Variants in LRRC7 observed in about 807,000 individuals in gnomAD.
LRRC7 encodes the protein leucine rich repeat containing 7, also known as leucine-rich repeat-containing protein 7.
Under a neutral mutation model 175.7 loss-of-function variants are expected in LRRC7, and 23 were observed. That is an observed-to-expected ratio of 0.13 (90% CI 0.09 to 0.19). The LOEUF is 0.19. LRRC7 is among the 10% of genes least tolerant of loss of function. The probability of loss-of-function intolerance (pLI) is 1.00; values close to 1 mark genes in which losing one functional copy is unlikely to be tolerated. For missense variants in LRRC7, 1,354 were observed against 1,904.7 expected (o/e 0.71, Z 5.38); for synonymous variants, 685 against 680.9 (o/e 1.01, Z -0.09).
chr1:69,668,604 A>G (rs1460840707), intron 1 of LRRC7, among the ~76,000 whole-genome samples: 1 of 152,190 alleles, frequency 6.6e-6, no homozygotes, highest in Non-Finnish European at 1.5e-5. Flanking sequence ...TGCAATAAAC[A>G]TATGTGTGCA....
chr1:69,719,630 TAGAA>T (rs1161525385), intron 2 of LRRC7, among the ~76,000 whole-genome samples: 1 of 151,678 alleles, frequency 6.6e-6, no homozygotes, highest in African/African-American at 2.4e-5. Context: ...TGTTTTTATT[TAGAA>T]AGATTACTCT....
intron 2 of LRRC7, among the ~76,000 whole-genome samples, chr1:69,712,416 C>T (rs1664863303): frequency 6.6e-6 from 1 of 152,072 alleles, no homozygotes; most frequent in African/African-American, 2.4e-5. Flanking sequence ...CCAGCCTGGC[C>T]AACATGGCGA....
At chr1:69,839,508 G>A (rs1459623888) in intron 7 of LRRC7, among the ~76,000 whole-genome samples, 1 of 152,076 alleles carries the variant, frequency 6.6e-6, no homozygotes, top group Non-Finnish European at 1.5e-5. Flanking sequence ...ATATGGTTGA[G>A]GGTGTTAATC....
intron 3 of LRRC7, among the ~76,000 whole-genome samples, chr1:69,779,392 A>T (rs895143880): frequency 1.3e-5 from 2 of 152,206 alleles, no homozygotes; most frequent in Admixed American, 1.3e-4. Flanking sequence ...ACATTTTTCT[A>T]TTTCATTGTG....
At position 69,717,575 on chromosome 1, in the gene LRRC7, C is replaced by T. The variant is rs147832240; in HGVS notation, c.100+39097C>T. Reference sequence around the variant, plus strand: ...TCTTAGATTGCCATAAAGTGGCACACGCTTATCCTATGAGGGGGTGGAAAG... The same window carrying T: ...TCTTAGATTGCCATAAAGTGGCACATGCTTATCCTATGAGGGGGTGGAAAG... On this transcript the variant is annotated intron_variant, in intron 2 of 26. Transcript: ENST00000651989. 1.9e-3 allele frequency among the ~76,000 whole-genome samples: 293 copies of T among 151,514 alleles called. 1 individual carries two copies. Among genetic ancestry groups the T allele is most frequent in the African/African-American group, 6.7e-3 (278 of 41,444 alleles).
chr1:69,656,335 G>GTAA (rs963252960), intron 1 of LRRC7, among the ~76,000 whole-genome samples: 25 of 152,008 alleles, frequency 1.6e-4, no homozygotes, highest in African/African-American at 4.8e-4. Context: ...ACTGGCTTCT[G>GTAA]TAATAATAAT....
rs374577037 is a variant in LRRC7 at position 70,013,106 on chromosome 1, T to G, written c.1250+17T>G. On this transcript the variant is annotated intron_variant, in intron 13 of 26. Transcript: ENST00000651989. ...TGACAACAGGTATTTTTGCAACATT[T>G]CACAATCACATATTAGTTATTTGCT... 2.5e-5 allele frequency: 35 copies of G among 1,409,412 alleles called. 1 individual carries two copies. Among genetic ancestry groups the G allele is most frequent in the East Asian group, 2.4e-4 (10 of 40,932 alleles). The allele number at this position is 1,409,412 out of a possible 1,614,324, so 87.3% of individuals were successfully genotyped here.
chr1:69,990,905 T>C (rs1343565280), intron 10 of LRRC7, among the ~76,000 whole-genome samples: 3 of 152,148 alleles, frequency 2.0e-5, no homozygotes, highest in Non-Finnish European at 4.4e-5. Context: ...ATGAGACATA[T>C]CTAAAACAAA....
In LRRC7 at chr1:70,043,961, C is replaced by T; in HGVS notation, c.3977C>T (p.Ala1326Val). 1.2e-6 allele frequency: 2 copies of T among 1,607,916 alleles called. No homozygotes were observed. Among genetic ancestry groups the T allele is most frequent in the Non-Finnish European group, 1.7e-6 (2 of 1,175,488 alleles). Residue 1326 changes from alanine (A) to valine (V), a missense_variant, in exon 22 of 27, where the codon GCT becomes GTT. This residue lies in a region of LRRC7 where 1,032 missense variants were observed against 1,227.2 expected (regional missense o/e 0.84). Transcript: ENST00000651989. ...IEARRLDRNAAYKHNTVNLGM... is the reference protein window; with the variant it reads ...IEARRLDRNAVYKHNTVNLGM... The stretch of plus-strand genomic sequence containing the variant: ...ATTATTTCCTCTACTCAGAATGCTG[C>T]TTACAAACACAATACAGTTAACCTT...
At position 70,123,913 on chromosome 1, in the gene LRRC7, A is replaced by G. The variant is rs532620929; in HGVS notation, c.*2026A>G. 1.1e-4 allele frequency among the ~76,000 whole-genome samples: 16 copies of G among 152,240 alleles called. No individual in the cohort carries two copies. Among genetic ancestry groups the G allele is most frequent in the African/African-American group, 3.4e-4 (14 of 41,546 alleles). On this transcript the variant is annotated 3_prime_UTR_variant, in exon 27 of 27. Coordinates refer to ENST00000651989, the MANE Select transcript of LRRC7 (RefSeq NM_001370785.2). ...TCCCATCAGTTTTTCTTAATCTTTT[A>G]TGGGAGAAGTGGGAGAAGAGCCAGA... is the stretch of plus-strand genomic sequence containing the variant.
intron 2 of LRRC7, among the ~76,000 whole-genome samples, chr1:69,727,361 A>T (rs543758418): frequency 6.6e-6 from 1 of 152,146 alleles, no homozygotes; most frequent in Non-Finnish European, 1.5e-5. Context: ...TTTTATAATT[A>T]TAGCCACTAA....
intron 1 of LRRC7, among the ~76,000 whole-genome samples, chr1:69,662,000 A>G (rs1400700349): frequency 6.6e-6 from 1 of 152,128 alleles, no homozygotes; most frequent in Non-Finnish European, 1.5e-5. Context: ...AGGTGCAATA[A>G]TCTGAACATG....
At position 70,132,452 on chromosome 1, in the gene LRRC7, CTTTTCTTT is replaced by C. The variant is rs1666704443; in HGVS notation, c.*10570_*10577del. On this transcript the variant is annotated 3_prime_UTR_variant, in exon 27 of 27. Transcript: ENST00000651989. ...GTACTTTTCTTTTTTCTTTTCTTTT[CTTTTCTTT>C]TTTTTTTTTTTTTTTTTTTTTTTGA... Among the ~76,000 whole-genome samples the C allele has an allele frequency of 3.1e-5, 2 of 64,566 alleles. No homozygotes were observed. Among genetic ancestry groups the C allele is most frequent in the African/African-American group, 1.4e-4 (2 of 14,482 alleles). 42.4% of individuals were successfully genotyped at this position (64,566 alleles called of 152,430 possible). A position where few individuals can be genotyped will look rare whatever the true frequency, so the allele number is the denominator to read the frequency against.
intron 1 of LRRC7, among the ~76,000 whole-genome samples, chr1:69,662,209 A>G (rs1029319745): frequency 6.6e-6 from 1 of 152,190 alleles, no homozygotes; most frequent in Non-Finnish European, 1.5e-5. Context: ...CTCTATAACC[A>G]TAAGCTCATT....
chr1:70,108,978 TTGG>T (rs1470236824), intron 26 of LRRC7, among the ~76,000 whole-genome samples: 5 of 152,132 alleles, frequency 3.3e-5, no homozygotes, highest in African/African-American at 1.2e-4. Flanking sequence ...TTGTTGTTGT[TTGG>T]TGGTGGTGTT....
intron 5 of LRRC7, among the ~76,000 whole-genome samples, chr1:69,830,218 C>T (rs2175743): frequency 0.063 from 9,620 of 151,668 alleles, 351 homozygotes; most frequent in East Asian, 0.15. Context: ...TCTTAATGCT[C>T]AGCAGTGAAG....
intron 7 of LRRC7, chr1:69,919,898 G>A (rs909926239): frequency 2.0e-5 from 13 of 663,656 alleles, no homozygotes; most frequent in Non-Finnish European, 2.8e-5. Context: ...GCCAGTGGCC[G>A]AACCCCCCAC....
At chr1:69,922,184 C>A (rs1197369521) in intron 7 of LRRC7, among the ~76,000 whole-genome samples, 2 of 152,152 alleles carry the variant, frequency 1.3e-5, no homozygotes, top group Admixed American at 6.5e-5. Context: ...CCTCGGCCCC[C>A]CAAAGTGCTG....
intron 23 of LRRC7, among the ~76,000 whole-genome samples, chr1:70,056,936 G>C (rs938196599): frequency 2.0e-5 from 3 of 152,146 alleles, no homozygotes; most frequent in Non-Finnish European, 4.4e-5. Context: ...ATGACTAAAG[G>C]CTCCTTGGAT....
Sources: allele counts gnomAD v4.1 joint callset (sites outside exome capture counted in the v4.1 genomes callset), GRCh38; gene constraint gnomAD v4.1.1; regional missense constraint gnomAD v4.1.1; transcripts MANE v1.5; gene names NCBI Gene and HGNC (gene_info 2026-07-23, HGNC 2026-07-21).